RHD: variants seen among roughly 807,000 people sequenced by gnomAD.
RHD encodes Rh blood group D antigen.
Under a neutral mutation model 45.5 loss-of-function variants are expected in RHD, and 16 were observed. That is an observed-to-expected ratio of 0.35 (90% CI 0.24 to 0.53). RHD has a LOEUF of 0.53. Among genes scored for constraint, RHD ranks in the 20% least tolerant of loss-of-function variants. The pLI, the probability that RHD is intolerant of heterozygous loss-of-function variation, is 0.92. For synonymous variants in RHD, 131 were observed against 217.5 expected (o/e 0.60, Z 3.50); for missense variants, 306 against 532.0 (o/e 0.58, Z 4.18).
rs1245599017 is a variant in RHD at position 25,307,991 on chromosome 1, C to A, written c.1073+1262C>A. Among the ~76,000 whole-genome samples the A allele has an allele frequency of 1.6e-5, 2 of 122,858 alleles. 1 individual carries two copies. Among genetic ancestry groups the A allele is most frequent in the Non-Finnish European group, 3.8e-5 (2 of 52,594 alleles). 80.6% of individuals were successfully genotyped at this position (122,858 alleles called of 152,430 possible). On this transcript the variant is annotated intron_variant, in intron 7 of 9. Transcript: ENST00000328664. ...TCTGAAAGATGAGGACTTGACCTAG[C>A]AAGGTCCTACTCACATGCCTGTAGA...
rs1225479301 is a variant in RHD, at chr1:25,286,797, A to C, written c.335+2038A>C. ...CGAGACTCCGTCTCAAAAAAAAAAA[A>C]CAAAAACAGTTTTAGGCCAGGCGCG... On this transcript the variant is annotated intron_variant, in intron 2 of 9. Coordinates refer to ENST00000328664, the MANE Select transcript of RHD (RefSeq NM_016124.6). Among the ~76,000 whole-genome samples, 5 of 131,186 alleles carry C rather than the reference A, an allele frequency of 3.8e-5. 1 individual carries two copies. The highest frequency in any genetic ancestry group is 1.4e-4 in the African/African-American group (5 of 36,432). The allele number at this position is 131,186 out of a possible 152,430, so 86.1% of individuals were successfully genotyped here.
intron 1 of RHD, among the ~76,000 whole-genome samples, chr1:25,275,038 CA>C (rs1640832237): frequency 7.6e-6 from 1 of 131,016 alleles, no homozygotes; most frequent in Non-Finnish European, 1.8e-5. Context: ...CCTGTAATCC[CA>C]AACACTTTGG....
Position 25,322,237 on chromosome 1 carries a change from C to G in RHD, c.1227+275C>G, listed in dbSNP as rs640760. On this transcript the variant is annotated intron_variant, in intron 9 of 9. Coordinates refer to ENST00000328664, the MANE Select transcript of RHD (RefSeq NM_016124.6). ...TTTCACTGGCCACACTTCCCCTCCC[C>G]CTATCTGCAGTCCTCAGCGTAGCCA... Among the ~76,000 whole-genome samples, 248 of 132,260 alleles carry G rather than the reference C, an allele frequency of 1.9e-3. 41 individuals are homozygous for G. The highest frequency in any genetic ancestry group is 0.013 in the East Asian group (68 of 5,124). 86.8% of individuals were successfully genotyped at this position (132,260 alleles called of 152,430 possible). A position where few individuals can be genotyped will look rare whatever the true frequency, so the allele number is the denominator to read the frequency against.
chr1:25,315,105 GAGATCACGCCAC>G (rs1644368110), intron 7 of RHD, among the ~76,000 whole-genome samples: 1 of 128,692 alleles, frequency 7.8e-6, no homozygotes, highest in South Asian at 2.4e-4. Flanking sequence ...TCGGGAGGCT[GAGATCACGCCAC>G]TGCACTCCAG....
At chr1:25,315,695 A>G (rs1463436785) in intron 7 of RHD, among the ~76,000 whole-genome samples, 1 of 127,916 alleles carries the variant, frequency 7.8e-6, no homozygotes, top group Non-Finnish European at 1.8e-5. Flanking sequence ...AAGGGGTTTC[A>G]CTGTGTTAGC....
In RHD at chr1:25,276,999, G is replaced by A. The variant is rs1200140715; in HGVS notation, c.148+4304G>A. ...GGAGAATGGCGTGAACCCAGGAGGC[G>A]GAGCTTTCAGTGAGCTGAGATTACG... On this transcript the variant is annotated intron_variant, in intron 1 of 9. Coordinates refer to ENST00000328664, the MANE Select transcript of RHD (RefSeq NM_016124.6). 3.0e-5 allele frequency among the ~76,000 whole-genome samples: 4 copies of A among 131,342 alleles called. 1 individual carries two copies. The highest frequency in any genetic ancestry group is 2.3e-4 in the South Asian group (1 of 4,310). 86.2% of individuals were successfully genotyped at this position (131,342 alleles called of 152,430 possible).
chr1:25,297,826 T>C (rs1349522192), intron 3 of RHD, among the ~76,000 whole-genome samples: 1 of 131,540 alleles, frequency 7.6e-6, no homozygotes, highest in African/African-American at 2.6e-5. Flanking sequence ...ATCTGTGTAG[T>C]ATGGACAGTT....
intron 3 of RHD, among the ~76,000 whole-genome samples, chr1:25,297,778 G>A (rs1452280225): frequency 2.3e-5 from 3 of 131,954 alleles, no homozygotes; most frequent in South Asian, 4.6e-4. Context: ...TTTCTTAGGC[G>A]GAATGAAGAG....
At position 25,307,591 on chromosome 1, in the gene RHD, A is replaced by G. The variant is rs1643915222; in HGVS notation, c.1073+862A>G. The G allele has an allele frequency of 1.3e-5, 10 of 762,740 alleles. 2 individuals carry two copies. Among genetic ancestry groups the G allele is most frequent in the Non-Finnish European group, 2.2e-5 (10 of 458,986 alleles). The allele number at this position is 762,740 out of a possible 1,614,324, so 47.2% of individuals were successfully genotyped here. A position where few individuals can be genotyped will look rare whatever the true frequency, so the allele number is the denominator to read the frequency against. The stretch of plus-strand genomic sequence containing the variant: ...TCTCCTTGAATTCTCACAACCGCCT[A>G]CTGAGGTATTCTCAGACTCTAAGAA... On this transcript the variant is annotated intron_variant, in intron 7 of 9. Transcript: ENST00000328664.
intron 1 of RHD, among the ~76,000 whole-genome samples, chr1:25,277,932 C>G (rs28494545): frequency 0.028 from 3,796 of 133,194 alleles, 654 homozygotes; most frequent in African/African-American, 0.09. Context: ...CCTTGGCCTC[C>G]CAAAGTGCTG....
rs184907320 is a variant in RHD, at chr1:25,322,192, A to G, written c.1227+230A>G. Among the ~76,000 whole-genome samples, 872 of 131,792 alleles carry G rather than the reference A, an allele frequency of 6.6e-3. 127 individuals carry two copies. Among genetic ancestry groups the G allele is most frequent in the African/African-American group, 0.021 (829 of 38,748 alleles). The allele number at this position is 131,792 out of a possible 152,430, so 86.5% of individuals were successfully genotyped here. On this transcript the variant is annotated intron_variant, in intron 9 of 9. Transcript: ENST00000328664. ...TTTCCCTGATACCTCAAATTCATTC[A>G]GAGTCAGGGATGAGACAGCTTTCAC...
In RHD at chr1:25,277,449, C is replaced by G. The variant is rs1377161878; in HGVS notation, c.148+4754C>G. ...AGCTCTGGGCCTGGGGCCCAGCAGT[C>G]TGTGTTTTCACAAGCCCTCTTGGTG... On this transcript the variant is annotated intron_variant, in intron 1 of 9. Transcript: ENST00000328664. Among the ~76,000 whole-genome samples, 4 of 133,448 alleles carry G rather than the reference C, an allele frequency of 3.0e-5. No homozygotes were observed. In the East Asian group the frequency reaches 7.8e-4, roughly 26 times the overall value. 87.5% of individuals were successfully genotyped at this position (133,448 alleles called of 152,430 possible).
In RHD at chr1:25,328,956, C is replaced by G. The variant is rs1644916219; in HGVS notation, c.*32C>G. 1 of 1,320,378 alleles carries G rather than the reference C, an allele frequency of 7.6e-7. No homozygotes were observed. The highest frequency in any genetic ancestry group is 1.1e-6 in the Non-Finnish European group (1 of 937,714). 81.8% of individuals were successfully genotyped at this position (1,320,378 alleles called of 1,614,324 possible). A position where few individuals can be genotyped will look rare whatever the true frequency, so the allele number is the denominator to read the frequency against. ...GCATCCAAGAAAAACAAGGCCTGTTCAAAAACAAGACAACTTCCTCTCACT... is the reference window on the plus strand; with the variant it reads ...GCATCCAAGAAAAACAAGGCCTGTTGAAAAACAAGACAACTTCCTCTCACT... On this transcript the variant is annotated 3_prime_UTR_variant, in exon 10 of 10. Transcript: ENST00000328664.
At chr1:25,291,142 G>GGATAGATA (rs1557529488) in intron 3 of RHD, among the ~76,000 whole-genome samples, 6 of 125,676 alleles carry the variant, frequency 4.8e-5, no homozygotes, top group African/African-American at 1.7e-4. Context: ...ATAGGTAGGT[G>GGATAGATA]GATAGACAGA....
chr1:25,312,872 A>G (rs1471917140), intron 7 of RHD, among the ~76,000 whole-genome samples: 1 of 101,132 alleles, frequency 9.9e-6, no homozygotes, highest in Non-Finnish European at 2.2e-5. Context: ...GTGAGCTATG[A>G]TCATGCCACT....
intron 1 of RHD, among the ~76,000 whole-genome samples, 193 bp downstream of exon 1, chr1:25,272,888 T>C (rs1471887531): frequency 7.6e-6 from 1 of 132,104 alleles, no homozygotes; most frequent in Non-Finnish European, 1.8e-5. Flanking sequence ...AGCCTGGGCA[T>C]GCCCTCTTCT....
chr1:25,323,568 T>TC (rs1644828241), intron 9 of RHD, among the ~76,000 whole-genome samples: 1 of 125,452 alleles, frequency 8.0e-6, no homozygotes, highest in South Asian at 2.5e-4. Context: ...CAGGAGATCC[T>TC]CCCCCCTCAG....
In RHD at chr1:25,302,252, T is replaced by C. The variant is rs548374327; in HGVS notation, c.801+566T>C. Among the ~76,000 whole-genome samples, 5 of 128,934 alleles carry C rather than the reference T, an allele frequency of 3.9e-5. 1 individual carries two copies. The highest frequency in any genetic ancestry group is 1.4e-4 in the African/African-American group (5 of 36,784). The allele number at this position is 128,934 out of a possible 152,430, so 84.6% of individuals were successfully genotyped here. A position where few individuals can be genotyped will look rare whatever the true frequency, so the allele number is the denominator to read the frequency against. On this transcript the variant is annotated intron_variant, in intron 5 of 9. Coordinates refer to ENST00000328664, the MANE Select transcript of RHD (RefSeq NM_016124.6). ...TGCTGCTATTAGTAAAGAGAGACGATGGTGTGTGTGAGTCTTGTGGGCAGA... is the reference window on the plus strand; with the variant it reads ...TGCTGCTATTAGTAAAGAGAGACGACGGTGTGTGTGAGTCTTGTGGGCAGA...
chr1:25,297,415 C>T (rs906834508), intron 3 of RHD, among the ~76,000 whole-genome samples: 1 of 104,024 alleles, frequency 9.6e-6, no homozygotes, highest in Admixed American at 9.7e-5. Flanking sequence ...TTACTATTTT[C>T]CCCTTTGTAA....
Sources: allele counts gnomAD v4.1 joint callset (sites outside exome capture counted in the v4.1 genomes callset), GRCh38; gene constraint gnomAD v4.1.1; transcripts MANE v1.5; gene names NCBI Gene and HGNC (gene_info 2026-07-23, HGNC 2026-07-21).